The following FBXO4 variants were observed in gnomAD, a reference collection of about 807,000 sequenced individuals.
FBXO4 encodes F-box protein 4.
FBXO4 carries 36 observed loss-of-function variants against 43.7 expected under a neutral mutation model. The ratio of observed to expected loss-of-function variants is 0.82; its 90% confidence interval spans 0.63 to 1.09. The LOEUF is 1.09. Among genes scored for constraint, FBXO4 ranks in the 50% least tolerant of loss-of-function variants. The pLI is 0.00. For synonymous variants in FBXO4, 180 were observed against 165.6 expected, an observed-to-expected ratio of 1.09 and a Z score of -0.67; for missense variants, 435 against 474.1, an observed-to-expected ratio of 0.92 and a Z score of 0.77.
chr5:41,969,788 A>T, the FBXO4 span, among the ~76,000 whole-genome samples: 1 of 152,146 alleles, frequency 6.6e-6, no homozygotes, highest in Non-Finnish European at 1.5e-5. Flanking sequence ...TTACTTGCTG[A>T]TGTCTTACAC....
downstream of FBXO4, among the ~76,000 whole-genome samples, chr5:41,942,785 G>A (rs941113013): frequency 6.6e-6 from 1 of 151,900 alleles, no homozygotes; most frequent in African/African-American, 2.4e-5. Flanking sequence ...CACTCTATTT[G>A]CAGCATGAGA....
At chr5:41,935,123 C>T in intron 5 of FBXO4, 1 of 985,202 alleles carries the variant, frequency 1.0e-6, no homozygotes, top group Non-Finnish European at 1.2e-6. Flanking sequence ...TGTTTTAGTT[C>T]CTACAGGCAT....
At chr5:42,035,828 G>C in the FBXO4 span, among the ~76,000 whole-genome samples, 1 of 152,058 alleles carries the variant, frequency 6.6e-6, no homozygotes, top group Non-Finnish European at 1.5e-5. Flanking sequence ...AAAGAGAGAA[G>C]TACTGAATGG....
the FBXO4 span, among the ~76,000 whole-genome samples, chr5:41,993,618 G>GATATATATAT: frequency 0.022 from 3,073 of 136,578 alleles, 142 homozygotes; most frequent in African/African-American, 0.075. Context: ...GAACTAATAG[G>GATATATATAT]ATATATATAT....
the FBXO4 span, chr5:41,967,890 C>T: frequency 1.8e-6 from 1 of 570,124 alleles, no homozygotes; most frequent in East Asian, 4.8e-5. Context: ...TCACAATTAT[C>T]TCACTGTTGA....
At chr5:41,967,520 C>T in the FBXO4 span, 1 of 844,698 alleles carries the variant, frequency 1.2e-6, no homozygotes, top group Non-Finnish European at 1.9e-6. Flanking sequence ...AGTGGCATCA[C>T]CTCCGTGACG....
At chr5:42,002,366 C>G in the FBXO4 span, among the ~76,000 whole-genome samples, 1 of 152,162 alleles carries the variant, frequency 6.6e-6, no homozygotes, top group Non-Finnish European at 1.5e-5. Context: ...TATGATGATC[C>G]TAACCTAACC....
At chr5:41,940,230 T>C (rs1751970124) in intron 6 of FBXO4, among the ~76,000 whole-genome samples, 1 of 152,076 alleles carries the variant, frequency 6.6e-6, no homozygotes, top group African/African-American at 2.4e-5. Context: ...CAAAGTTATA[T>C]GTTCCATCTT....
chr5:42,007,980 A>G, the FBXO4 span, among the ~76,000 whole-genome samples: 1 of 152,104 alleles, frequency 6.6e-6, no homozygotes, highest in East Asian at 1.9e-4. Context: ...CAGAGAAGGG[A>G]AAGAACAGCC....
chr5:41,940,102 C>T (rs144566461), intron 6 of FBXO4, among the ~76,000 whole-genome samples: 14 of 151,872 alleles, frequency 9.2e-5, no homozygotes, highest in Non-Finnish European at 1.8e-4. Context: ...CTGCCTGCCT[C>T]GGCCTCCCAA....
chr5:41,951,712 G>T, the FBXO4 span: 8 of 218,988 alleles, frequency 3.7e-5, no homozygotes, highest in Non-Finnish European at 9.1e-6. Flanking sequence ...TGTTGCATGG[G>T]GTGGCAATGT....
At chr5:42,015,417 G>A in the FBXO4 span, among the ~76,000 whole-genome samples, 230 of 152,218 alleles carry the variant, frequency 1.5e-3, 3 homozygotes, top group South Asian at 0.014. Context: ...TGTTATAATC[G>A]TTCATTTTGA....
At chr5:41,974,213 C>G in the FBXO4 span, among the ~76,000 whole-genome samples, 1 of 152,164 alleles carries the variant, frequency 6.6e-6, no homozygotes, top group Non-Finnish European at 1.5e-5. Context: ...GTGTAATTAT[C>G]TTTCCTGGTG....
downstream of FBXO4, among the ~76,000 whole-genome samples, chr5:41,946,528 T>C (rs1752079464): frequency 6.6e-6 from 1 of 152,214 alleles, no homozygotes; most frequent in Admixed American, 6.5e-5. Flanking sequence ...TGAGTAATTT[T>C]CCATTGCAGA....
the FBXO4 span, among the ~76,000 whole-genome samples, chr5:41,982,618 C>T: frequency 6.6e-6 from 1 of 151,936 alleles, no homozygotes; most frequent in African/African-American, 2.4e-5. Context: ...TTTACAAAAT[C>T]ATATCTATCT....
the FBXO4 span, among the ~76,000 whole-genome samples, chr5:42,008,180 G>T: frequency 6.6e-6 from 1 of 152,238 alleles, no homozygotes. Context: ...TTTGCCCAGG[G>T]ATAATTTCAG....
chr5:41,934,231 G>A lies in FBXO4; in HGVS notation c.821G>A (p.Ser274Asn). ...EGDDQQGSRY[S>N]VIPQIQKVCE... is the part of the protein sequence containing the mutation. ...GATGATCAACAAGGAAGCCGGTACA[G>A]TGTGATTCCACAGATTCAAAAAGTG... The change falls in exon 5 of 7, where the codon AGT becomes AAT. Residue 274 changes from serine (S) to asparagine (N), a missense_variant. Ser to Asn is a conservative substitution (Grantham distance 46, BLOSUM62 1). Coordinates refer to ENST00000281623, the MANE Select transcript of FBXO4 (RefSeq NM_012176.3). The A allele has an allele frequency of 1.2e-6, 2 of 1,614,168 alleles. No homozygotes were observed. The highest frequency in any genetic ancestry group is 1.7e-6 in the Non-Finnish European group (2 of 1,180,012).
the FBXO4 span, among the ~76,000 whole-genome samples, chr5:42,004,642 G>T: frequency 1.3e-5 from 2 of 152,266 alleles, no homozygotes; most frequent in South Asian, 2.1e-4. Flanking sequence ...CATATAGGCT[G>T]TCTTTTCTAT....
the FBXO4 span, among the ~76,000 whole-genome samples, chr5:41,952,822 C>T: frequency 6.6e-6 from 1 of 151,984 alleles, no homozygotes; most frequent in Non-Finnish European, 1.5e-5. Flanking sequence ...TTATACCTGT[C>T]AATTTTAAAC....
Sources: allele counts gnomAD v4.1 joint callset (sites outside exome capture counted in the v4.1 genomes callset), GRCh38; gene constraint gnomAD v4.1.1; transcripts MANE v1.5; gene names NCBI Gene and HGNC (gene_info 2026-07-23, HGNC 2026-07-21).